VWA8: variants seen among roughly 807,000 people sequenced by gnomAD.
The protein encoded by VWA8 is von Willebrand factor A domain containing 8.
In VWA8, 221 loss-of-function variants were observed where a neutral mutation model predicts 241.5. The observed-to-expected ratio is 0.91, with a 90% CI of 0.82 to 1.02. VWA8 has a LOEUF of 1.02. VWA8 is among the 50% of genes least tolerant of loss of function. The pLI, the probability that VWA8 is intolerant of heterozygous loss-of-function variation, is 0.00. For missense variants in VWA8, 2,322 were observed against 2,328.7 expected, an observed-to-expected ratio of 1.00 and a Z score of 0.06; for synonymous variants, 852 against 827.1, an observed-to-expected ratio of 1.03 and a Z score of -0.52.
At chr13:41,953,285 G>A (rs1566050725) in intron 1 of VWA8, among the ~76,000 whole-genome samples, 1 of 152,158 alleles carries the variant, frequency 6.6e-6, no homozygotes, top group Non-Finnish European at 1.5e-5. Flanking sequence ...GACATTTATG[G>A]AACACTACAC....
At chr13:41,793,978 T>C (rs981431274) in intron 17 of VWA8, among the ~76,000 whole-genome samples, 1 of 152,216 alleles carries the variant, frequency 6.6e-6, no homozygotes, top group African/African-American at 2.4e-5. Flanking sequence ...CTGAGTTCTC[T>C]ATTCTGTTCC....
In VWA8 at chr13:41,703,404, G is replaced by A. The variant is rs1312437063; in HGVS notation, c.3124C>T (p.Leu1042=). Residue 1042 remains leucine (L), a synonymous_variant, in exon 27 of 45, where the codon CTG becomes TTG. Coordinates refer to ENST00000379310, the MANE Select transcript of VWA8 (RefSeq NM_015058.2). ...TAGCCCATGAACGTTTGTTCTGGCAGAGTCAACCTGTTAAGGATGATTTGC... is the reference window on the plus strand; with the variant it reads ...TAGCCCATGAACGTTTGTTCTGGCAAAGTCAACCTGTTAAGGATGATTTGC... ...TSVQLAKELT[L]PEQTFMGYWT... is the part of the protein sequence containing the mutation. The A allele has an allele frequency of 6.2e-7, 1 of 1,613,938 alleles. No homozygotes were observed. The highest frequency in any genetic ancestry group is 1.7e-5 in the Admixed American group (1 of 60,018).
chr13:41,957,659 G>C (rs1012263255), intron 1 of VWA8, among the ~76,000 whole-genome samples: 1 of 152,064 alleles, frequency 6.6e-6, no homozygotes, highest in Non-Finnish European at 1.5e-5. Flanking sequence ...TAGGATTAAT[G>C]CTAAAAAGTT....
At chr13:41,854,601 A>G (rs927585683) in intron 12 of VWA8, among the ~76,000 whole-genome samples, 8 of 152,092 alleles carry the variant, frequency 5.3e-5, no homozygotes, top group African/African-American at 1.9e-4. Context: ...CTTTAAGACA[A>G]ATATGAAAAT....
intron 21 of VWA8, among the ~76,000 whole-genome samples, chr13:41,734,153 C>T (rs1296047647): frequency 1.3e-5 from 2 of 152,062 alleles, no homozygotes; most frequent in Non-Finnish European, 2.9e-5. Context: ...GCTTGACCAA[C>T]GTGGTGAAAC....
chr13:41,782,565 A>AAAAAT (rs1321420137), intron 19 of VWA8, among the ~76,000 whole-genome samples: 3 of 152,200 alleles, frequency 2.0e-5, no homozygotes, highest in African/African-American at 4.8e-5. Flanking sequence ...GCTCCAGAAG[A>AAAAAT]AAAATAAAAC....
chr13:41,798,556 G>C (rs1237800051), intron 17 of VWA8, among the ~76,000 whole-genome samples: 1 of 152,112 alleles, frequency 6.6e-6, no homozygotes, highest in Non-Finnish European at 1.5e-5. Flanking sequence ...TCCGTTATAA[G>C]TTTTTCTCTT....
chr13:41,850,989 GAGAT>G (rs1277076607), intron 12 of VWA8, among the ~76,000 whole-genome samples: 1 of 152,104 alleles, frequency 6.6e-6, no homozygotes, highest in Non-Finnish European at 1.5e-5. Context: ...GCTCAACAAA[GAGAT>G]AGAAACCATA....
intron 9 of VWA8, among the ~76,000 whole-genome samples, chr13:41,878,313 A>T (rs1874000227): frequency 6.6e-6 from 1 of 152,106 alleles, no homozygotes; most frequent in African/African-American, 2.4e-5. Context: ...TATAAATATT[A>T]GCTTAAAATA....
chr13:41,877,718 G>T (rs1289731707), intron 9 of VWA8, among the ~76,000 whole-genome samples: 1 of 152,094 alleles, frequency 6.6e-6, no homozygotes. Flanking sequence ...TTATGATGCA[G>T]TCTTAACTGA....
chr13:41,884,127 A>G (rs939727795), intron 8 of VWA8, among the ~76,000 whole-genome samples: 2 of 152,194 alleles, frequency 1.3e-5, no homozygotes, highest in Non-Finnish European at 2.9e-5. Flanking sequence ...GTTATGTAGA[A>G]GAATGTCCTA....
intron 21 of VWA8, among the ~76,000 whole-genome samples, chr13:41,734,917 A>T (rs2045513446): frequency 6.6e-6 from 1 of 152,246 alleles, no homozygotes; most frequent in Non-Finnish European, 1.5e-5. Context: ...TTTAGTATGA[A>T]TAAAACGATC....
intron 21 of VWA8, among the ~76,000 whole-genome samples, chr13:41,745,778 A>G (rs943591407): frequency 4.6e-5 from 7 of 152,188 alleles, no homozygotes; most frequent in African/African-American, 1.7e-4. Context: ...AACTAGTTCA[A>G]CCATTGTGGA....
At chr13:41,708,447 T>C (rs1358191600) in intron 26 of VWA8, among the ~76,000 whole-genome samples, 1 of 152,178 alleles carries the variant, frequency 6.6e-6, no homozygotes, top group East Asian at 1.9e-4. Flanking sequence ...TACTTGAAAT[T>C]AGTAACAATG....
intron 20 of VWA8, among the ~76,000 whole-genome samples, chr13:41,769,340 A>C (rs750486620): frequency 1.3e-5 from 2 of 152,232 alleles, no homozygotes; most frequent in Non-Finnish European, 2.9e-5. Context: ...TATCTATAAG[A>C]AAAATGATAT....
chr13:41,712,571 C>T (rs2045325256), intron 26 of VWA8, among the ~76,000 whole-genome samples: 1 of 152,156 alleles, frequency 6.6e-6, no homozygotes, highest in African/African-American at 2.4e-5. Context: ...TGAAAGACAA[C>T]TCTAAAGCTT....
At chr13:41,581,343 C>G (rs2044382375) in intron 42 of VWA8, among the ~76,000 whole-genome samples, 1 of 152,160 alleles carries the variant, frequency 6.6e-6, no homozygotes, top group South Asian at 2.1e-4. Context: ...GGCACCTTTT[C>G]CAGAAAGAAA....
At chr13:41,867,281 T>C (rs1873356372) in intron 10 of VWA8, among the ~76,000 whole-genome samples, 1 of 152,240 alleles carries the variant, frequency 6.6e-6, no homozygotes, top group Admixed American at 6.5e-5. Context: ...TCTGAAGCTT[T>C]CCCTATTCCG....
At chr13:41,749,138 C>T (rs1034801044) in intron 21 of VWA8, among the ~76,000 whole-genome samples, 1 of 151,974 alleles carries the variant, frequency 6.6e-6, no homozygotes, top group Admixed American at 6.6e-5. Context: ...CCAGAATCTA[C>T]AAAGAACTCA....
Sources: allele counts gnomAD v4.1 joint callset (sites outside exome capture counted in the v4.1 genomes callset), GRCh38; gene constraint gnomAD v4.1.1; transcripts MANE v1.5; gene names NCBI Gene and HGNC (gene_info 2026-07-23, HGNC 2026-07-21).